MAD1L1: variants seen among roughly 807,000 people sequenced by gnomAD.
MAD1L1 encodes mitotic spindle assembly checkpoint protein MAD1.
Under a neutral mutation model 96.9 loss-of-function variants are expected in MAD1L1, and 95 were observed. That is an observed-to-expected ratio of 0.98 (90% confidence interval 0.83 to 1.16). The LOEUF (loss-of-function observed/expected upper bound fraction) is 1.16. Among genes scored for constraint, MAD1L1 ranks in the 50% most tolerant of loss-of-function variants. The pLI is 0.00. For synonymous variants in MAD1L1, 473 were observed against 396.6 expected, an observed-to-expected ratio of 1.19 and a Z score of -2.29; for missense variants, 1,007 against 954.4, an observed-to-expected ratio of 1.06 and a Z score of -0.73.
At chr7:2,209,941 T>A (rs1205732267) in intron 10 of MAD1L1, 1 of 152,252 alleles carries the variant, frequency 6.6e-6, no homozygotes, top group East Asian at 1.9e-4. Context: ...GGCCCCAGCT[T>A]CTCACCACAT....
At chr7:1,972,617 A>G (rs529005048) in intron 15 of MAD1L1, among the ~76,000 whole-genome samples, 48 of 152,204 alleles carry the variant, frequency 3.2e-4, no homozygotes, top group Non-Finnish European at 5.6e-4. Context: ...TTTTTTCCAA[A>G]AAAGCCAGAA....
At chr7:1,847,878 G>C (rs1298773978) in intron 18 of MAD1L1, 1 of 369,456 alleles carries the variant, frequency 2.7e-6, no homozygotes, top group African/African-American at 2.1e-5. Context: ...GAGGGTCCCT[G>C]TGACCTGCAA....
At position 2,102,304 on chromosome 7, in the gene MAD1L1, C is replaced by CCGCCGT. The variant is rs150633988; in HGVS notation, c.1074-32967_1074-32966insACGGCG. 5.3e-4 allele frequency among the ~76,000 whole-genome samples: 41 copies of CCGCCGT among 77,132 alleles called. No homozygotes were observed. In the South Asian group the frequency reaches 0.017, roughly 31 times the overall value. The allele number at this position is 77,132 out of a possible 152,430, so 50.6% of individuals were successfully genotyped here. A position where few individuals can be genotyped will look rare whatever the true frequency, so the allele number is the denominator to read the frequency against. On this transcript the variant is annotated intron_variant, in intron 11 of 18. Transcript: ENST00000265854. ...ACCACCACCGCCACTGTCACCATCA[C>CCGCCGT]CACCGTCACCATCACCGCCGTCACC...
intron 11 of MAD1L1, among the ~76,000 whole-genome samples, chr7:2,086,407 G>A (rs1785920083): frequency 6.6e-6 from 1 of 152,222 alleles, no homozygotes; most frequent in South Asian, 2.1e-4. Context: ...TTTAATTGGA[G>A]GCTCCAGACA....
chr7:2,079,040 G>C (rs189594138), intron 11 of MAD1L1, among the ~76,000 whole-genome samples: 1 of 152,290 alleles, frequency 6.6e-6, no homozygotes, highest in African/African-American at 2.4e-5. Context: ...CAAGTGCAGG[G>C]GCTTGGCCGA....
intron 17 of MAD1L1, among the ~76,000 whole-genome samples, chr7:1,917,858 C>G (rs564639637): frequency 1.5e-4 from 23 of 152,200 alleles, no homozygotes; most frequent in Non-Finnish European, 3.2e-4. Context: ...TTACCTATCT[C>G]TGGTTCCCCA....
intron 17 of MAD1L1, among the ~76,000 whole-genome samples, chr7:1,914,976 G>C (rs1246546333): frequency 6.6e-6 from 1 of 152,152 alleles, no homozygotes; most frequent in Non-Finnish European, 1.5e-5. Flanking sequence ...CTCATGCGGT[G>C]GCATCTAAGG....
At chr7:2,073,683 C>A (rs937717354) in intron 11 of MAD1L1, among the ~76,000 whole-genome samples, 6 of 152,216 alleles carry the variant, frequency 3.9e-5, no homozygotes, top group African/African-American at 1.4e-4. Flanking sequence ...TAGCGTGAAG[C>A]GTGTGTTCTG....
chr7:2,146,135 C>T lies in MAD1L1; in HGVS notation c.1073+3017G>A, dbSNP rs1429018549. ...AAAGCCAAGCTCCTGAAAACAGGCA[C>T]ACGAATGACCCAGCCGTCACTTCAG... On this transcript the variant is annotated intron_variant, in intron 11 of 18. Coordinates refer to ENST00000265854, the MANE Select transcript of MAD1L1 (RefSeq NM_001013836.2). The surrounding 1 kb of genome is among the most constrained non-coding windows in gnomAD (Gnocchi z 6.2). Among the ~76,000 whole-genome samples the T allele has an allele frequency of 1.3e-5, 2 of 152,228 alleles. No individual in the cohort carries two copies. The highest frequency in any genetic ancestry group is 2.1e-4 in the South Asian group (1 of 4,832).
chr7:2,208,534 T>C (rs1228780354), intron 10 of MAD1L1, among the ~76,000 whole-genome samples: 2 of 152,186 alleles, frequency 1.3e-5, no homozygotes, highest in East Asian at 3.8e-4. Context: ...TTTCTGCAGG[T>C]ATCATTTAGC....
chr7:1,849,379 G>A (rs1477866899), intron 18 of MAD1L1: 1 of 152,202 alleles, frequency 6.6e-6, no homozygotes, highest in Non-Finnish European at 1.5e-5. Flanking sequence ...CTGTTTTGCA[G>A]ACACAGAGCC....
chr7:1,874,518 G>A (rs1785275331), intron 18 of MAD1L1: 2 of 455,452 alleles, frequency 4.4e-6, no homozygotes, highest in Non-Finnish European at 8.8e-6. Flanking sequence ...ATAGCTTTCC[G>A]CACAGCTTGT....
chr7:1,841,869 GGATTCCATCTCTGCT>G (rs1252496808), intron 18 of MAD1L1, among the ~76,000 whole-genome samples: 1 of 152,166 alleles, frequency 6.6e-6, no homozygotes, highest in African/African-American at 2.4e-5. Flanking sequence ...TCCTGAGCTG[GGATTCCATCTCTGCT>G]GGGAATGAGG....
At chr7:2,031,503 C>G (rs1399047607) in intron 12 of MAD1L1, among the ~76,000 whole-genome samples, 1 of 152,270 alleles carries the variant, frequency 6.6e-6, no homozygotes, top group African/African-American at 2.4e-5. Flanking sequence ...TCACACTGCT[C>G]TATGACAAAT....
intron 10 of MAD1L1, among the ~76,000 whole-genome samples, chr7:2,180,316 A>G (rs987165901): frequency 5.3e-5 from 8 of 152,250 alleles, no homozygotes; most frequent in Admixed American, 2.6e-4. Flanking sequence ...CACCTGGCCC[A>G]GCGTGCACCG....
intron 12 of MAD1L1, among the ~76,000 whole-genome samples, chr7:2,046,303 G>A (rs1400850716): frequency 6.6e-6 from 1 of 152,126 alleles, no homozygotes; most frequent in African/African-American, 2.4e-5. Context: ...AATGTGCACA[G>A]AAATACAAGA....
chr7:1,921,151 G>A (rs1057325664), intron 17 of MAD1L1, among the ~76,000 whole-genome samples: 6 of 152,208 alleles, frequency 3.9e-5, no homozygotes, highest in Admixed American at 1.3e-4. Context: ...CACGCTGCGG[G>A]TCTGAGACGT....
intron 18 of MAD1L1, chr7:1,846,211 G>C (rs1012828298): frequency 6.6e-6 from 1 of 152,582 alleles, no homozygotes; most frequent in African/African-American, 2.4e-5. Flanking sequence ...GCAGGGCCAG[G>C]GGCTGGTCAG....
At chr7:2,117,377 T>C (rs191781633) in intron 11 of MAD1L1, among the ~76,000 whole-genome samples, 1 of 152,318 alleles carries the variant, frequency 6.6e-6, no homozygotes, top group African/African-American at 2.4e-5. Flanking sequence ...GCCACCCACA[T>C]GGTCGTGGTC....
Sources: allele counts gnomAD v4.1 joint callset (sites outside exome capture counted in the v4.1 genomes callset), GRCh38; gene constraint gnomAD v4.1.1; non-coding constraint Gnocchi (gnomAD v3.1); transcripts MANE v1.5; gene names NCBI Gene and HGNC (gene_info 2026-07-23, HGNC 2026-07-21).